Variants in SLC10A7 observed in about 807,000 individuals in gnomAD.
SLC10A7 encodes the protein sodium/bile acid cotransporter 7.
In SLC10A7, 29 loss-of-function variants were observed where a neutral mutation model predicts 43.2. The ratio of observed to expected loss-of-function variants is 0.67; its 90% CI spans 0.50 to 0.92. The LOEUF is 0.92. Ranked by LOEUF, SLC10A7 falls within the 40% of genes least tolerant of loss-of-function variation. The probability of loss-of-function intolerance (pLI) is 0.00; values close to 1 mark genes in which losing one functional copy is unlikely to be tolerated. For synonymous variants in SLC10A7, 152 were observed against 144.8 expected, an observed-to-expected ratio of 1.05 and a Z score of -0.35; for missense variants, 295 against 403.2, an observed-to-expected ratio of 0.73 and a Z score of 2.30.
intron 5 of SLC10A7, among the ~76,000 whole-genome samples, chr4:146,399,392 A>G (rs1372950007): frequency 1.3e-5 from 2 of 152,182 alleles, no homozygotes; most frequent in Non-Finnish European, 2.9e-5. Context: ...ACCAAGAAAG[A>G]GTTGGGAGAG....
At chr4:146,449,621 T>C (rs1579216585) in intron 4 of SLC10A7, among the ~76,000 whole-genome samples, 1 of 151,790 alleles carries the variant, frequency 6.6e-6, no homozygotes, top group Admixed American at 6.6e-5. Flanking sequence ...TCTGAAGTGG[T>C]TGGAAGTAGA....
rs146318517 is a variant in SLC10A7, at chr4:146,402,031, T to C, written c.435+40752A>G. 6.2e-3 allele frequency among the ~76,000 whole-genome samples: 944 copies of C among 152,270 alleles called. 2 individuals are homozygous for C. The highest frequency in any genetic ancestry group is 0.014 in the Middle Eastern group (4 of 294). ...TATAGACACTCAATTATTATCTTCA[T>C]ACCTAATTGAGAGTGAGTTGCAGAC... On this transcript the variant is annotated intron_variant, in intron 5 of 11. Transcript: ENST00000335472.
intron 4 of SLC10A7, among the ~76,000 whole-genome samples, chr4:146,487,409 GAATTTT>G (rs924688919): frequency 1.3e-5 from 2 of 152,108 alleles, no homozygotes; most frequent in African/African-American, 2.4e-5. Context: ...CCACTCCTCA[GAATTTT>G]AATTCAGTAC....
At chr4:146,282,946 G>A (rs116398537) in intron 10 of SLC10A7, among the ~76,000 whole-genome samples, 1 of 152,228 alleles carries the variant, frequency 6.6e-6, no homozygotes, top group African/African-American at 2.4e-5. Context: ...AATCTTGTAT[G>A]AGAATTGAAA....
chr4:146,298,331 A>G (rs766988111), intron 7 of SLC10A7, among the ~76,000 whole-genome samples: 1 of 152,186 alleles, frequency 6.6e-6, no homozygotes, highest in Non-Finnish European at 1.5e-5. Flanking sequence ...TTTCTCTCAA[A>G]GCATTTTCAG....
At chr4:146,376,211 C>T (rs1737186270) in intron 5 of SLC10A7, among the ~76,000 whole-genome samples, 1 of 152,008 alleles carries the variant, frequency 6.6e-6, no homozygotes, top group South Asian at 2.1e-4. Flanking sequence ...CCAAGAATCT[C>T]CTCATTAGAA....
At chr4:146,263,603 C>T (rs1350338485) in intron 10 of SLC10A7, among the ~76,000 whole-genome samples, 1 of 152,096 alleles carries the variant, frequency 6.6e-6, no homozygotes, top group Non-Finnish European at 1.5e-5. Flanking sequence ...ATAAATGAAG[C>T]AAATTAATTT....
At chr4:146,416,856 T>C (rs1728604230) in intron 5 of SLC10A7, among the ~76,000 whole-genome samples, 1 of 152,186 alleles carries the variant, frequency 6.6e-6, no homozygotes, top group Admixed American at 6.6e-5. Flanking sequence ...CTTTGTACTT[T>C]GAGTTATCTC....
At chr4:146,436,033 G>A (rs1730183072) in intron 5 of SLC10A7, among the ~76,000 whole-genome samples, 1 of 151,774 alleles carries the variant, frequency 6.6e-6, no homozygotes, top group African/African-American at 2.4e-5. Flanking sequence ...AAATGGTAAT[G>A]AAATCATTGC....
chr4:146,511,064 G>C (rs1009198150), intron 2 of SLC10A7, among the ~76,000 whole-genome samples: 1 of 152,174 alleles, frequency 6.6e-6, no homozygotes, highest in Non-Finnish European at 1.5e-5. Context: ...TGAAGAAATT[G>C]AAGTTGAGGG....
chr4:146,501,609 C>A (rs1414765845), intron 4 of SLC10A7, among the ~76,000 whole-genome samples: 3 of 152,326 alleles, frequency 2.0e-5, no homozygotes, highest in Admixed American at 2.0e-4. Context: ...AATCTGGCAT[C>A]TTTAGGGATG....
chr4:146,309,774 G>A (rs10212750), intron 6 of SLC10A7, among the ~76,000 whole-genome samples: 109,671 of 151,998 alleles, frequency 0.72, 40,013 homozygotes, highest in African/African-American at 0.81. Context: ...AACATTTATC[G>A]TGCACTTTCA....
At chr4:146,319,248 C>A (rs897545350) in intron 6 of SLC10A7, among the ~76,000 whole-genome samples, 4 of 152,034 alleles carry the variant, frequency 2.6e-5, no homozygotes, top group Non-Finnish European at 4.4e-5. Context: ...TCACACTGGC[C>A]ACCTTGGTGT....
At chr4:146,305,444 G>C (rs1433772578) in intron 7 of SLC10A7, among the ~76,000 whole-genome samples, 2 of 124,886 alleles carry the variant, frequency 1.6e-5, no homozygotes, top group Non-Finnish European at 3.3e-5. Context: ...GGGAGGGGGA[G>C]GGATAGCATT....
chr4:146,380,343 G>A (rs949072171), intron 5 of SLC10A7, among the ~76,000 whole-genome samples: 3 of 152,034 alleles, frequency 2.0e-5, no homozygotes, highest in African/African-American at 4.8e-5. Context: ...GTGGTAATAG[G>A]CTTGTGATAT....
intron 5 of SLC10A7, among the ~76,000 whole-genome samples, chr4:146,375,457 C>T (rs1737123494): frequency 3.3e-5 from 5 of 152,156 alleles, no homozygotes; most frequent in Admixed American, 2.6e-4. Context: ...CTAAATGTTA[C>T]TCCTACATGA....
At chr4:146,310,019 T>C (rs540170422) in intron 6 of SLC10A7, among the ~76,000 whole-genome samples, 1 of 152,258 alleles carries the variant, frequency 6.6e-6, no homozygotes, top group South Asian at 2.1e-4. Flanking sequence ...GCCATCTTTA[T>C]GTCCCTGAGT....
intron 5 of SLC10A7, among the ~76,000 whole-genome samples, chr4:146,352,998 C>A (rs1453498867): frequency 4.7e-5 from 7 of 149,606 alleles, no homozygotes; most frequent in South Asian, 2.1e-4. Context: ...AGAGCAAACA[C>A]ATTCAAAAGC....
chr4:146,390,971 TTGATC>T (rs1399964623), intron 5 of SLC10A7, among the ~76,000 whole-genome samples: 1 of 152,194 alleles, frequency 6.6e-6, no homozygotes, highest in African/African-American at 2.4e-5. Context: ...CAAATTAACT[TTGATC>T]TGTTTTCATT....
Sources: allele counts gnomAD v4.1 joint callset (sites outside exome capture counted in the v4.1 genomes callset), GRCh38; gene constraint gnomAD v4.1.1; transcripts MANE v1.5; gene names NCBI Gene and HGNC (gene_info 2026-07-23, HGNC 2026-07-21).